NMBR: variants seen among roughly 807,000 people sequenced by gnomAD.
NMBR encodes the protein neuromedin-B receptor.
A neutral mutation model predicts 20.5 loss-of-function variants in NMBR; 16 were observed. That is an observed-to-expected ratio of 0.78 (90% CI 0.53 to 1.19). The LOEUF is 1.19. NMBR is among the 50% of genes most tolerant of loss of function. The pLI is 0.00. For missense variants in NMBR, 582 were observed against 499.1 expected (o/e 1.17, Z -1.58); for synonymous variants, 212 against 196.6 (o/e 1.08, Z -0.65).
chr6:142,139,535 C>T (rs2114614008), intron 1 of NMBR, among the ~76,000 whole-genome samples: 1 of 152,318 alleles, frequency 6.6e-6, no homozygotes, highest in South Asian at 2.1e-4. Flanking sequence ...CTTACTGTAG[C>T]ATCCATTAAA....
chr6:142,144,508 G>C (rs976740308), intron 1 of NMBR, among the ~76,000 whole-genome samples: 1 of 151,892 alleles, frequency 6.6e-6, no homozygotes, highest in African/African-American at 2.4e-5. Context: ...CTACAGCTCT[G>C]CCCTCCCCTT....
In NMBR at chr6:142,145,790, G is replaced by A. The variant is rs572068480; in HGVS notation, c.-664+1254C>T. 3.3e-5 allele frequency among the ~76,000 whole-genome samples: 5 copies of A among 152,258 alleles called. No homozygotes were observed. The South Asian group carries it at 8.3e-4, about 25-fold the overall frequency. On this transcript the variant is annotated intron_variant, in intron 1 of 3. Transcript: ENST00000258042. ...ACAGCACTGGTCCTTAACCCTAGAC[G>A]TAACATTAAAATTACATGAGGACCT...
intron 1 of NMBR, among the ~76,000 whole-genome samples, chr6:142,130,086 G>A (rs556299811): frequency 6.6e-6 from 1 of 152,228 alleles, no homozygotes; most frequent in South Asian, 2.1e-4. Context: ...GATCTGCTGA[G>A]GAGTGTAAAT....
chr6:142,109,722 C>A (rs190352643), intron 1 of NMBR, among the ~76,000 whole-genome samples: 1 of 152,158 alleles, frequency 6.6e-6, no homozygotes, highest in Admixed American at 6.5e-5. Flanking sequence ...TTTTAAAATT[C>A]ATACATTGAA....
rs1777386850 is a variant in NMBR, at chr6:142,093,867, T to C, written c.-663-4546A>G. 2.0e-5 allele frequency among the ~76,000 whole-genome samples: 3 copies of C among 152,168 alleles called. No homozygotes were observed. The South Asian group carries it at 6.2e-4, about 31-fold the overall frequency. On this transcript the variant is annotated intron_variant, in intron 1 of 3. Transcript: ENST00000258042. ...ATTCTAACTGGTGTGAGATGGTATCTCCTTGTGGTTTTGATTTGCATTTCT... is the reference window on the plus strand; with the variant it reads ...ATTCTAACTGGTGTGAGATGGTATCCCCTTGTGGTTTTGATTTGCATTTCT...
At chr6:142,125,530 C>A (rs902798315) in intron 1 of NMBR, among the ~76,000 whole-genome samples, 2 of 71,980 alleles carry the variant, frequency 2.8e-5, no homozygotes, top group African/African-American at 4.5e-5. Context: ...ATTACTCATG[C>A]TTTTATGTAA....
At chr6:142,081,767 C>T (rs1777102291) in intron 2 of NMBR, among the ~76,000 whole-genome samples, 1 of 152,148 alleles carries the variant, frequency 6.6e-6, no homozygotes, top group Non-Finnish European at 1.5e-5. Flanking sequence ...AAAAGTATCT[C>T]TTAGTATAAA....
intron 1 of NMBR, among the ~76,000 whole-genome samples, chr6:142,140,884 A>G (rs966325590): frequency 1.3e-5 from 2 of 152,190 alleles, no homozygotes; most frequent in African/African-American, 2.4e-5. Flanking sequence ...ATCAGGAAGC[A>G]TAATAGTTGT....
Position 142,078,603 on chromosome 6 carries a change from T to C in NMBR, c.723A>G (p.Lys241=). The change falls in exon 3 of 4, where the codon AAA becomes AAG. Residue 241 remains lysine, a synonymous_variant. Coordinates refer to ENST00000258042, the MANE Select transcript of NMBR (RefSeq NM_002511.4). The part of the protein sequence containing the change: ...YYYHIAKTLI[K]SAHNLPGEYN... ...ATTCTCCAGGAAGATTGTGTGCGCT[T>C]TTAATTAAGGTCTTTGCAATATGAT... 2 of 1,611,760 alleles carry C rather than the reference T, an allele frequency of 1.2e-6. No individual in the cohort carries two copies. Among genetic ancestry groups the C allele is most frequent in the Middle Eastern group, 3.3e-4 (2 of 6,052 alleles).
At chr6:142,139,287 C>G (rs1486494410) in intron 1 of NMBR, among the ~76,000 whole-genome samples, 1 of 152,172 alleles carries the variant, frequency 6.6e-6, no homozygotes, top group Non-Finnish European at 1.5e-5. Flanking sequence ...TATTCTTACT[C>G]TGATTCATCC....
intron 1 of NMBR, among the ~76,000 whole-genome samples, chr6:142,110,289 T>C (rs1444052747): frequency 1.3e-5 from 2 of 152,148 alleles, no homozygotes; most frequent in East Asian, 3.8e-4. Flanking sequence ...CACAGAATTG[T>C]TCATAATAGC....
intron 1 of NMBR, among the ~76,000 whole-genome samples, chr6:142,117,503 T>C (rs1777876078): frequency 6.6e-6 from 1 of 151,956 alleles, no homozygotes; most frequent in South Asian, 2.1e-4. Context: ...ATTAATCAGC[T>C]TTCAAAAGCT....
intron 1 of NMBR, among the ~76,000 whole-genome samples, chr6:142,103,057 T>C (rs1777594505): frequency 6.6e-6 from 1 of 152,088 alleles, no homozygotes. Context: ...GTTCCAAGAG[T>C]GCAGGGGGCC....
chr6:142,125,512 C>CACATATACATGTGCATGCATATACCCAT (rs1211570455), intron 1 of NMBR, among the ~76,000 whole-genome samples: 2 of 76,876 alleles, frequency 2.6e-5, no homozygotes, highest in African/African-American at 4.5e-5. Flanking sequence ...CATATACATA[C>CACATATACATGTGCATGCATATACCCAT]ATACACAATT....
intron 1 of NMBR, among the ~76,000 whole-genome samples, chr6:142,091,868 G>A (rs1442853465): frequency 1.3e-5 from 2 of 152,068 alleles, no homozygotes; most frequent in African/African-American, 4.8e-5. Flanking sequence ...GAACTGTTCA[G>A]AACCATATTG....
chr6:142,111,000 G>A (rs559823403), intron 1 of NMBR, among the ~76,000 whole-genome samples: 162 of 152,244 alleles, frequency 1.1e-3, no homozygotes, highest in African/African-American at 3.9e-3. Flanking sequence ...AGCACTTTAG[G>A]AGGCCAAGGC....
rs528355824 is a variant in NMBR at position 142,135,552 on chromosome 6, A to T, written c.-664+11492T>A. On this transcript the variant is annotated intron_variant, in intron 1 of 3. Transcript: ENST00000258042. ...GGTACATGTGCACAATGTGCAGGTTAGTTACATATGTATACATGTGCCATG... is the reference window on the plus strand; with the variant it reads ...GGTACATGTGCACAATGTGCAGGTTTGTTACATATGTATACATGTGCCATG... Among the ~76,000 whole-genome samples, 1,022 of 151,154 alleles carry T rather than the reference A, an allele frequency of 6.8e-3. 14 individuals carry two copies. Among genetic ancestry groups the T allele is most frequent in the African/African-American group, 0.024 (973 of 40,794 alleles).
chr6:142,075,996 G>A lies in NMBR; in HGVS notation c.825C>T (p.Phe275=). The part of the protein sequence containing the change: ...AKIVLVFVGC[F]IFCWFPNHIL... ...TGTGGTTTGGAAACCAACAGAAGATGAAACAGCCCACAAAGACAAGCACAA... is the reference window on the plus strand; with the variant it reads ...TGTGGTTTGGAAACCAACAGAAGATAAAACAGCCCACAAAGACAAGCACAA... The change falls in exon 4 of 4, where the codon TTC becomes TTT. Residue 275 remains phenylalanine (F), a synonymous_variant. Transcript: ENST00000258042. The A allele has an allele frequency of 6.2e-7, 1 of 1,609,802 alleles. No homozygotes were observed. The highest frequency in any genetic ancestry group is 8.5e-7 in the Non-Finnish European group (1 of 1,178,612).
intron 1 of NMBR, among the ~76,000 whole-genome samples, chr6:142,115,846 A>G (rs1232504020): frequency 1.3e-5 from 2 of 152,072 alleles, no homozygotes; most frequent in African/African-American, 4.8e-5. Context: ...AGTTCAATCA[A>G]AGAATGAACT....
Sources: gnomAD v4.1 joint callset for allele counts (sites outside exome capture counted in the v4.1 genomes callset) on GRCh38, gnomAD v4.1.1 for gene constraint, MANE v1.5 for transcripts, NCBI Gene and HGNC (gene_info 2026-07-23, HGNC 2026-07-21) for gene names.